Variants in SLC27A5 observed in about 807,000 individuals in gnomAD.
SLC27A5 encodes long-chain fatty acid transport protein 5.
Under a neutral mutation model 63.1 loss-of-function variants are expected in SLC27A5, and 47 were observed. That is an observed-to-expected ratio of 0.74 (90% CI 0.59 to 0.95). SLC27A5 has a LOEUF of 0.95. SLC27A5 is among the 40% of genes least tolerant of loss of function. SLC27A5 has a pLI of 0.00. For missense variants in SLC27A5, 940 were observed against 921.0 expected, an observed-to-expected ratio of 1.02 and a Z score of -0.27; for synonymous variants, 391 against 403.8, an observed-to-expected ratio of 0.97 and a Z score of 0.38.
chr19:58,509,773 TGCC>T, intron 3 of SLC27A5, 71 bp downstream of exon 3: 1 of 1,407,976 alleles, frequency 7.1e-7, no homozygotes, highest in Admixed American at 2.3e-5. Context: ...GGTGTCTTTT[TGCC>T]TTGACAGCCC....
intron 2 of SLC27A5, chr19:58,510,401 C>A: frequency 3.0e-6 from 1 of 335,624 alleles, no homozygotes; most frequent in Admixed American, 4.6e-5. Context: ...TGGGGAAACC[C>A]TGTCTCTACC....
intron 3 of SLC27A5, among the ~76,000 whole-genome samples, chr19:58,503,448 G>A (rs1022972875): frequency 6.6e-6 from 1 of 151,794 alleles, no homozygotes; most frequent in African/African-American, 2.4e-5. Flanking sequence ...TCACCTGAAA[G>A]ATCAGGAGTT....
At chr19:58,499,039 T>A (rs2053241425) in intron 8 of SLC27A5, 84 bp downstream of exon 8, 1 of 1,593,440 alleles carries the variant, frequency 6.3e-7, no homozygotes, top group Non-Finnish European at 8.6e-7. Context: ...CTCTGGGCCC[T>A]AGCACTTCCC....
rs780265922 is a variant in SLC27A5 at position 58,511,535 on chromosome 19, C to T, written c.421G>A (p.Gly141Ser). ...ALLVWTGPGA[G>S]SVTFGELDAR... ...TCCAGCTCACCAAAGGTGACTGAGC[C>T]GGCCCCAGGCCCCGTCCACACCAAG... Residue 141 changes from glycine to serine, a missense_variant, in exon 1 of 10, where the codon GGC becomes AGC. Physicochemically the swap from Gly to Ser is moderately conservative, Grantham distance 56. Transcript: ENST00000263093. The T allele has an allele frequency of 1.3e-5, 21 of 1,565,252 alleles. No homozygotes were observed. The highest frequency in any genetic ancestry group is 6.8e-5 in the African/African-American group (5 of 73,832).
At position 58,498,348 on chromosome 19, in the gene SLC27A5, T is replaced by C. The variant is rs1026853699; in HGVS notation, c.*167A>G. The C allele has an allele frequency of 1.6e-5, 11 of 669,450 alleles. No homozygotes were observed. In the African/African-American group the frequency reaches 1.8e-4, roughly 11 times the overall value. 41.5% of individuals were successfully genotyped at this position (669,450 alleles called of 1,614,324 possible). A position where few individuals can be genotyped will look rare whatever the true frequency, so the allele number is the denominator to read the frequency against. On this transcript the variant is annotated 3_prime_UTR_variant, in exon 10 of 10. Coordinates refer to ENST00000263093, the MANE Select transcript of SLC27A5 (RefSeq NM_012254.3). ...ACATACAGACTTCTGTGAACACATCTGAGTTTATTCTGCCACTGCTACAGG... is the reference window on the plus strand; with the variant it reads ...ACATACAGACTTCTGTGAACACATCCGAGTTTATTCTGCCACTGCTACAGG...
chr19:58,511,412 A>G lies in SLC27A5; in HGVS notation c.544T>C (p.Ser182Pro). The change falls in exon 1 of 10, where the codon TCC becomes CCC. Residue 182 changes from serine to proline, a missense_variant. Coordinates refer to ENST00000263093, the MANE Select transcript of SLC27A5 (RefSeq NM_012254.3). ...GEPTALLVLA[S>P]QAVPALCMWL... ...ATACACAGGGCTGGAACGGCCTGGG[A>G]AGCCAGCACAAGGAGGGCAGTAGGC... The G allele has an allele frequency of 6.2e-7, 1 of 1,607,282 alleles. No homozygotes were observed.
rs1056660833 is a variant in SLC27A5 at position 58,500,216 on chromosome 19, A to T, written c.1468+123T>A. On this transcript the variant is annotated intron_variant, in intron 6 of 9. Transcript: ENST00000263093. Reference sequence around the variant, plus strand: ...GGCAGGCCACTGGCTCAGGGTCCAGATGAAGGCTGCAGACCCCTCTAGTGA... The same window carrying T: ...GGCAGGCCACTGGCTCAGGGTCCAGTTGAAGGCTGCAGACCCCTCTAGTGA... 48 of 773,198 alleles carry T rather than the reference A, an allele frequency of 6.2e-5. No homozygotes were observed. The Admixed American group carries it at 8.2e-4, about 13-fold the overall frequency. The allele number at this position is 773,198 out of a possible 1,614,324, so 47.9% of individuals were successfully genotyped here. A position where few individuals can be genotyped will look rare whatever the true frequency, so the allele number is the denominator to read the frequency against.
At position 58,498,913 on chromosome 19, in the gene SLC27A5, A is replaced by T. The variant is rs1191584571; in HGVS notation, c.1768T>A (p.Cys590Ser). ...GCAGCCATGCCCACCTTACCCTCAC[A>T]ACCTAGAGAGCAGTCTGGTCACTCT... ...VNVYGVCVPG[C>S]EGKVGMAAVQ... is the part of the protein sequence containing the mutation. The change falls in exon 9 of 10, where the codon TGT becomes AGT. Residue 590 changes from cysteine to serine, a missense_variant and splice_region_variant. By Grantham distance (112) the Cys-to-Ser change is moderately radical. Coordinates refer to ENST00000263093, the MANE Select transcript of SLC27A5 (RefSeq NM_012254.3). 24 of 1,611,850 alleles carry T rather than the reference A, an allele frequency of 1.5e-5. No individual in the cohort carries two copies. Among genetic ancestry groups the T allele is most frequent in the Non-Finnish European group, 1.9e-5 (23 of 1,179,760 alleles).
Position 58,510,800 on chromosome 19 carries a change from G to A in SLC27A5, c.819C>T (p.Ser273=). 1 of 1,613,620 alleles carries A rather than the reference G, an allele frequency of 6.2e-7. No homozygotes were observed. Among genetic ancestry groups the A allele is most frequent in the Non-Finnish European group, 8.5e-7 (1 of 1,179,878 alleles). ...ALGAALDAAP[S]HPVPADLRAG... is the part of the protein sequence containing the mutation. ...CACGCAGGTCAGCAGGCACTGGGTG[G>A]GAGGGCGCTGCATCCAGGGCAGCCC... Residue 273 remains serine, a synonymous_variant, in exon 2 of 10, where the codon TCC becomes TCT. Coordinates refer to ENST00000263093, the MANE Select transcript of SLC27A5 (RefSeq NM_012254.3).
chr19:58,509,667 C>T (rs1344046031), intron 3 of SLC27A5, 180 bp downstream of exon 3: 12 of 541,592 alleles, frequency 2.2e-5, no homozygotes, highest in Non-Finnish European at 3.2e-5. Flanking sequence ...CCATCAGGGA[C>T]TGTGTGGGTG....
intron 6 of SLC27A5, among the ~76,000 whole-genome samples, chr19:58,499,954 A>G (rs998043222): frequency 6.6e-6 from 1 of 152,150 alleles, no homozygotes; most frequent in Non-Finnish European, 1.5e-5. Context: ...GGGATGGAAG[A>G]CGGACAGACA....
Position 58,499,624 on chromosome 19 carries a change from C to A in SLC27A5, c.1535G>T (p.Arg512Leu), listed in dbSNP as rs775344859. 1.8e-5 allele frequency: 29 copies of A among 1,612,760 alleles called. 2 individuals carry two copies. In the Middle Eastern group the frequency reaches 6.6e-4, roughly 37 times the overall value. ...QQPFVGYRGP[R>L]ELSERKLVRN... Reference sequence around the variant, plus strand: ...CACCAGCTTCCGTTCCGACAGCTCTCGGGGGCCGCGGTAGCCCACGAAGGG... The same window carrying A: ...CACCAGCTTCCGTTCCGACAGCTCTAGGGGGCCGCGGTAGCCCACGAAGGG... Residue 512 changes from arginine to leucine, a missense_variant, in exon 7 of 10, where the codon CGA becomes CTA. Physicochemically the swap from Arg to Leu is moderately radical, Grantham distance 102. Coordinates refer to ENST00000263093, the MANE Select transcript of SLC27A5 (RefSeq NM_012254.3).
At chr19:58,503,222 AAAAG>A (rs1215939850) in intron 3 of SLC27A5, among the ~76,000 whole-genome samples, 1 of 151,184 alleles carries the variant, frequency 6.6e-6, no homozygotes, top group African/African-American at 2.4e-5. Context: ...AAAAAAAAGA[AAAAG>A]AGAAAGATGG....
In SLC27A5 at chr19:58,499,186, C is replaced by G; in HGVS notation, c.1702G>C (p.Glu568Gln). The change falls in exon 8 of 10, where the codon GAG (glutamate) becomes CAG (glutamine). Residue 568 changes from glutamate (E) to glutamine (Q), a missense_variant. Physicochemically the swap from Glu to Gln is conservative, Grantham distance 29. Transcript: ENST00000263093. ...KGENVSTHEV[E>Q]GVLSQVDFLQ... Reference sequence around the variant, plus strand: ...AAGTCCACCTGCGACAACACGCCCTCCACCTCGTGCGTGGACACGTTCTCG... The same window carrying G: ...AAGTCCACCTGCGACAACACGCCCTGCACCTCGTGCGTGGACACGTTCTCG... 1 of 1,614,016 alleles carries G rather than the reference C, an allele frequency of 6.2e-7. No homozygotes were observed. The highest frequency in any genetic ancestry group is 1.1e-5 in the South Asian group (1 of 91,088).
chr19:58,510,127 T>A, intron 2 of SLC27A5, 122 bp from the exon 3 acceptor site: 1 of 971,594 alleles, frequency 1.0e-6, no homozygotes, highest in Non-Finnish European at 1.5e-6. Flanking sequence ...CAGAGAACAG[T>A]CAAGTATAGG....
intron 3 of SLC27A5, among the ~76,000 whole-genome samples, chr19:58,506,667 A>G (rs1452708856): frequency 1.4e-5 from 2 of 145,518 alleles, no homozygotes; most frequent in Non-Finnish European, 1.5e-5. Flanking sequence ...TTTTTTTTGC[A>G]AGGGAGTTTC....
intron 3 of SLC27A5, chr19:58,508,787 G>C (rs1251743089): frequency 6.7e-6 from 1 of 149,142 alleles, no homozygotes; most frequent in Non-Finnish European, 1.5e-5. Flanking sequence ...AACACAAAAA[G>C]GCCGGGCGTG....
In SLC27A5 at chr19:58,498,572, G is replaced by T; in HGVS notation, c.2016C>A (p.Phe672Leu). ...LFVLDNRAQS[F>L]RPLTAEMYQA... The stretch of plus-strand genomic sequence containing the variant: ...GGTACATTTCTGCCGTCAGGGGCCG[G>T]AAGGACTGGGCCCGGTTGTCCAGTA... The change falls in exon 10 of 10, where the codon TTC (phenylalanine) becomes TTA (leucine). Residue 672 changes from phenylalanine to leucine, a missense_variant. By Grantham distance (22) the Phe-to-Leu change is conservative. Coordinates refer to ENST00000263093, the MANE Select transcript of SLC27A5 (RefSeq NM_012254.3). The T allele has an allele frequency of 1.2e-6, 2 of 1,614,074 alleles. No homozygotes were observed. Among genetic ancestry groups the T allele is most frequent in the African/African-American group, 2.7e-5 (2 of 75,014 alleles).
In SLC27A5 at chr19:58,498,839, C is replaced by A. The variant is rs867125157; in HGVS notation, c.1842G>T (p.Gln614His). ...GQTFDGEKLY[Q>H]HVRAWLPAYA... ...AGGCAGGGAGCCAAGCGCGAACGTGCTGGTACAACTTCTCCCCGTCGAAAG... is the reference window on the plus strand; with the variant it reads ...AGGCAGGGAGCCAAGCGCGAACGTGATGGTACAACTTCTCCCCGTCGAAAG... The change falls in exon 9 of 10, where the codon CAG becomes CAT. Residue 614 changes from glutamine to histidine, a missense_variant. Transcript: ENST00000263093. 1.2e-6 allele frequency: 2 copies of A among 1,613,922 alleles called. No homozygotes were observed. The highest frequency in any genetic ancestry group is 1.6e-4 in the Middle Eastern group (1 of 6,084).
Sources: allele counts gnomAD v4.1 joint callset (sites outside exome capture counted in the v4.1 genomes callset), GRCh38; gene constraint gnomAD v4.1.1; transcripts MANE v1.5; gene names NCBI Gene and HGNC (gene_info 2026-07-23, HGNC 2026-07-21).